CSMD1: variants seen among roughly 807,000 people sequenced by gnomAD.
CSMD1 encodes the protein CUB and sushi domain-containing protein 1.
Under a neutral mutation model 417.5 loss-of-function variants are expected in CSMD1, and 213 were observed. The observed-to-expected ratio is 0.51, with a 90% CI of 0.46 to 0.57. CSMD1 has a LOEUF of 0.57. Among genes scored for constraint, CSMD1 ranks in the 20% least tolerant of loss-of-function variants. The pLI, the probability that CSMD1 is intolerant of heterozygous loss-of-function variation, is 0.00. For synonymous variants in CSMD1, 2,862 were observed against 1,736.8 expected (o/e 1.65, Z -16.11); for missense variants, 6,923 against 4,529.7 (o/e 1.53, Z -15.17).
intron 26 of CSMD1, among the ~76,000 whole-genome samples, chr8:3,266,107 C>T (rs1047617131): frequency 6.6e-6 from 1 of 151,310 alleles, no homozygotes; most frequent in African/African-American, 2.4e-5. Context: ...AATTAATTTG[C>T]AAAGAGAGAG....
intron 1 of CSMD1, among the ~76,000 whole-genome samples, chr8:4,872,912 T>C (rs764697850): frequency 1.3e-4 from 20 of 152,086 alleles, no homozygotes; most frequent in Non-Finnish European, 2.2e-4. Context: ...TCTGAATTTT[T>C]TGACATATGT....
intron 2 of CSMD1, among the ~76,000 whole-genome samples, chr8:4,617,125 C>T (rs1801514250): frequency 6.6e-6 from 1 of 151,904 alleles, no homozygotes. Flanking sequence ...TTTTAAAATT[C>T]TTATGCCAAC....
chr8:3,951,831 T>A (rs1229831304), intron 5 of CSMD1, among the ~76,000 whole-genome samples: 4 of 151,740 alleles, frequency 2.6e-5, no homozygotes, highest in Non-Finnish European at 4.4e-5. Flanking sequence ...AACTCAAAGT[T>A]AACCCAAAAA....
intron 26 of CSMD1, among the ~76,000 whole-genome samples, chr8:3,267,352 G>C (rs1205059441): frequency 6.6e-6 from 1 of 152,218 alleles, no homozygotes; most frequent in African/African-American, 2.4e-5. Context: ...TACGAAAGGG[G>C]TGTTGATGCA....
intron 10 of CSMD1, among the ~76,000 whole-genome samples, chr8:3,524,848 CCTTT>C (rs1213488990): frequency 5.3e-5 from 8 of 151,224 alleles, no homozygotes; most frequent in Middle Eastern, 3.2e-3. Context: ...TTTACAACTT[CCTTT>C]CTATTTTAAC....
rs181692588 is a variant in CSMD1, at chr8:3,277,987, G to A, written c.4153+6157C>T. 2.4e-3 allele frequency among the ~76,000 whole-genome samples: 364 copies of A among 152,246 alleles called. 7 individuals carry two copies. The highest frequency in any genetic ancestry group is 1.7e-3 in the South Asian group (8 of 4,822). On this transcript the variant is annotated intron_variant, in intron 26 of 69. Coordinates refer to ENST00000635120, the MANE Select transcript of CSMD1 (RefSeq NM_033225.6). ...GTCATTTCTGCAGAAACCTTCGTGGGTATCTTAATGTTTGTTGCTTCTTAA... is the reference window on the plus strand; with the variant it reads ...GTCATTTCTGCAGAAACCTTCGTGGATATCTTAATGTTTGTTGCTTCTTAA...
At chr8:3,409,640 A>AC in intron 12 of CSMD1, 35 bp from the exon 13 acceptor site, 1 of 1,429,222 alleles carries the variant, frequency 7.0e-7, no homozygotes, top group Non-Finnish European at 9.4e-7. Flanking sequence ...CCTTAAAAAA[A>AC]CACACACAAG....
chr8:3,556,552 C>CACACACACACCCT (rs1554468421), intron 10 of CSMD1, among the ~76,000 whole-genome samples: 4 of 139,738 alleles, frequency 2.9e-5, no homozygotes, highest in African/African-American at 8.2e-5. Flanking sequence ...ACACACACAC[C>CACACACACACCCT]CTCTCTCTCT....
intron 10 of CSMD1, among the ~76,000 whole-genome samples, chr8:3,502,482 G>C (rs1796646513): frequency 6.6e-6 from 1 of 152,116 alleles, no homozygotes; most frequent in East Asian, 1.9e-4. Context: ...TTCAGCAGGT[G>C]AATGGATAAA....
chr8:4,920,974 GAAAGAAAC>G (rs781070321), intron 1 of CSMD1, among the ~76,000 whole-genome samples: 14,727 of 25,662 alleles, frequency 0.57, 2,964 homozygotes, highest in East Asian at 0.68. Context: ...AAGAAAGAAA[GAAAGAAAC>G]AAAGAAAGAA....
intron 4 of CSMD1, among the ~76,000 whole-genome samples, chr8:4,013,836 T>C (rs956873038): frequency 6.6e-6 from 1 of 152,162 alleles, no homozygotes; most frequent in East Asian, 1.9e-4. Context: ...TGGGGTCTTT[T>C]GATCTACAGT....
chr8:4,511,624 C>T (rs1457334621), intron 2 of CSMD1, among the ~76,000 whole-genome samples: 1 of 152,046 alleles, frequency 6.6e-6, no homozygotes, highest in African/African-American at 2.4e-5. Context: ...CAGGGAACTA[C>T]AGAAAGTGAT....
At chr8:4,481,885 G>A (rs190955378) in intron 2 of CSMD1, among the ~76,000 whole-genome samples, 4 of 152,130 alleles carry the variant, frequency 2.6e-5, no homozygotes, top group African/African-American at 9.7e-5. Context: ...AGCACAATGA[G>A]ATCAAGTAGC....
chr8:4,412,901 C>T (rs952701961), intron 3 of CSMD1, among the ~76,000 whole-genome samples: 2 of 152,138 alleles, frequency 1.3e-5, no homozygotes, highest in Non-Finnish European at 2.9e-5. Flanking sequence ...CATAAGATAA[C>T]TGACAACAAT....
intron 4 of CSMD1, among the ~76,000 whole-genome samples, chr8:4,011,630 C>T (rs1054215291): frequency 6.6e-6 from 1 of 152,164 alleles, no homozygotes; most frequent in African/African-American, 2.4e-5. Context: ...CATCCATTTC[C>T]TCATCCTTGA....
intron 12 of CSMD1, among the ~76,000 whole-genome samples, chr8:3,455,419 T>TC (rs1816049306): frequency 6.6e-6 from 1 of 152,258 alleles, no homozygotes; most frequent in African/African-American, 2.4e-5. Flanking sequence ...TTTTCTGCTC[T>TC]GTTTTTTCCC....
intron 1 of CSMD1, among the ~76,000 whole-genome samples, chr8:4,884,424 T>G (rs956198438): frequency 7.9e-5 from 12 of 152,030 alleles, no homozygotes; most frequent in African/African-American, 2.9e-4. Flanking sequence ...TTGCTTGTGC[T>G]TTTGCTTTTA....
At chr8:4,758,288 T>C (rs1329638472) in intron 1 of CSMD1, among the ~76,000 whole-genome samples, 3 of 152,208 alleles carry the variant, frequency 2.0e-5, no homozygotes, top group African/African-American at 7.2e-5. Flanking sequence ...TTTCCCAACG[T>C]TGCCTTTTGA....
chr8:2,956,277 G>GATA (rs1803002482), intron 63 of CSMD1, among the ~76,000 whole-genome samples: 2 of 151,850 alleles, frequency 1.3e-5, no homozygotes, highest in Admixed American at 6.6e-5. Flanking sequence ...TGTGTATTTA[G>GATA]AAACTTAATA....
Sources: allele counts gnomAD v4.1 joint callset (sites outside exome capture counted in the v4.1 genomes callset), GRCh38; gene constraint gnomAD v4.1.1; transcripts MANE v1.5; gene names NCBI Gene and HGNC (gene_info 2026-07-23, HGNC 2026-07-21).